Variants in PRKG1 observed in about 807,000 individuals in gnomAD.
PRKG1 encodes the protein protein kinase cGMP-dependent 1.
In PRKG1, 35 loss-of-function variants were observed where a neutral mutation model predicts 88.1. The ratio of observed to expected loss-of-function variants is 0.40; its 90% CI spans 0.30 to 0.53. The LOEUF is 0.53. Among genes scored for constraint, PRKG1 ranks in the 20% least tolerant of loss-of-function variants. The pLI, the probability that PRKG1 is intolerant of heterozygous loss-of-function variation, is 0.59. For synonymous variants in PRKG1, 303 were observed against 292.5 expected, an observed-to-expected ratio of 1.04 and a Z score of -0.37; for missense variants, 540 against 839.8, an observed-to-expected ratio of 0.64 and a Z score of 4.41.
intron 4 of PRKG1, among the ~76,000 whole-genome samples, chr10:51,856,966 TA>T (rs748890081): frequency 1.0e-5 from 1 of 96,780 alleles, no homozygotes; most frequent in Non-Finnish European, 2.0e-5. Flanking sequence ...TCCGTCTTAC[TA>T]AAAAAAAGAA....
In PRKG1 at chr10:51,274,420, AAAT is replaced by A. The variant is rs200189424; in HGVS notation, c.478+121091_478+121093del. Among the ~76,000 whole-genome samples the A allele has an allele frequency of 9.9e-4, 151 of 152,322 alleles. 2 individuals carry two copies. In the East Asian group the frequency reaches 0.025, roughly 25 times the overall value. ...TACTGCACACTAAAAAATTGCCCTG[AAAT>A]GAAAATGAGAAGAATCAAGTAATAA... On this transcript the variant is annotated intron_variant, in intron 2 of 17. Transcript: ENST00000373980.
At chr10:51,781,778 A>G (rs912730704) in intron 3 of PRKG1, among the ~76,000 whole-genome samples, 2 of 152,130 alleles carry the variant, frequency 1.3e-5, no homozygotes, top group African/African-American at 4.8e-5. Flanking sequence ...TCCTTGAGAA[A>G]TCCAGAGGGA....
intron 3 of PRKG1, among the ~76,000 whole-genome samples, chr10:51,473,493 T>C (rs1053744618): frequency 1.3e-5 from 2 of 151,876 alleles, no homozygotes; most frequent in Admixed American, 6.6e-5. Flanking sequence ...AATTTCTATA[T>C]TGACCAGGCC....
Position 51,467,782 on chromosome 10 carries a change from G to A in PRKG1, c.538G>A (p.Val180Met). 3 of 1,613,022 alleles carry A rather than the reference G, an allele frequency of 1.9e-6. No individual in the cohort carries two copies. The highest frequency in any genetic ancestry group is 2.5e-6 in the Non-Finnish European group (3 of 1,179,102). Reference sequence around the variant, plus strand: ...GTTGTGTACCATGGGTCCAGGAAAAGTGTTTGGGGAATTGGCTATTCTTTA... The same window carrying A: ...GTTGTGTACCATGGGTCCAGGAAAAATGTTTGGGGAATTGGCTATTCTTTA... Reference protein sequence around the residue: ...VKLCTMGPGKVFGELAILYNC... With the variant: ...VKLCTMGPGKMFGELAILYNC... The change falls in exon 3 of 18, where the codon GTG (valine) becomes ATG (methionine). Residue 180 changes from valine to methionine, a missense_variant. Physicochemically the swap from Val to Met is conservative, Grantham distance 21 (BLOSUM62 1). Transcript: ENST00000373980.
Position 51,828,099 on chromosome 10 carries a change from A to G in PRKG1, c.698+23409A>G, listed in dbSNP as rs1302503564. 2.0e-5 allele frequency among the ~76,000 whole-genome samples: 3 copies of G among 152,178 alleles called. No homozygotes were observed. The East Asian group carries it at 5.8e-4, about 29-fold the overall frequency. ...AAAAATTTTAATATGTGAATGTTTA[A>G]CATCTATATATATTAGGTTGGAGCA... On this transcript the variant is annotated intron_variant, in intron 4 of 17. Transcript: ENST00000373980.
chr10:51,183,856 G>T (rs1000517123), intron 2 of PRKG1, among the ~76,000 whole-genome samples: 1 of 152,092 alleles, frequency 6.6e-6, no homozygotes, highest in Non-Finnish European at 1.5e-5. Context: ...TTCAGAGATG[G>T]GCAAATCTGT....
At chr10:52,099,468 C>T (rs1429648952) in intron 7 of PRKG1, among the ~76,000 whole-genome samples, 3 of 152,284 alleles carry the variant, frequency 2.0e-5, no homozygotes, top group Admixed American at 6.5e-5. Flanking sequence ...ACTATGAAGA[C>T]ACTATGTCAC....
At chr10:52,219,074 T>G (rs1840182618) in intron 9 of PRKG1, among the ~76,000 whole-genome samples, 2 of 152,144 alleles carry the variant, frequency 1.3e-5, no homozygotes, top group South Asian at 4.1e-4. Flanking sequence ...CTTGTGGGAC[T>G]TTTTTGTTTT....
intron 1 of PRKG1, among the ~76,000 whole-genome samples, chr10:50,999,508 G>C (rs1842866377): frequency 6.6e-6 from 1 of 152,126 alleles, no homozygotes; most frequent in Admixed American, 6.5e-5. Flanking sequence ...CCAATTTAGA[G>C]AGTACTTTAA....
intron 3 of PRKG1, among the ~76,000 whole-genome samples, chr10:51,715,501 A>T (rs1382935475): frequency 2.0e-5 from 3 of 152,164 alleles, no homozygotes; most frequent in Non-Finnish European, 2.9e-5. Context: ...TCATTTGAAC[A>T]TGATTACTAT....
intron 5 of PRKG1, among the ~76,000 whole-genome samples, chr10:51,923,271 A>T (rs957806337): frequency 1.3e-5 from 2 of 151,832 alleles, no homozygotes; most frequent in Non-Finnish European, 2.9e-5. Context: ...CTTAACTTTT[A>T]ATCTCTCTCT....
intron 5 of PRKG1, among the ~76,000 whole-genome samples, chr10:51,991,118 C>T (rs1406905175): frequency 1.3e-5 from 2 of 152,104 alleles, no homozygotes; most frequent in African/African-American, 4.8e-5. Flanking sequence ...TTGTTCACCT[C>T]ATTTCATTTT....
intron 2 of PRKG1, among the ~76,000 whole-genome samples, chr10:51,436,428 A>G (rs972084405): frequency 2.6e-5 from 4 of 152,066 alleles, no homozygotes; most frequent in South Asian, 2.1e-4. Flanking sequence ...CTTTAAAAGT[A>G]TGTCCTGGGT....
chr10:51,494,017 T>A lies in PRKG1; in HGVS notation c.592+26181T>A, dbSNP rs576148323. Among the ~76,000 whole-genome samples the A allele has an allele frequency of 3.9e-5, 6 of 152,318 alleles. No homozygotes were observed. The South Asian group carries it at 1.2e-3, about 32-fold the overall frequency. ...TGTAGCTATTTTTTCTACTTAAAAT[T>A]GTCTTACCTGTGCTTATATATTGAT... On this transcript the variant is annotated intron_variant, in intron 3 of 17. Transcript: ENST00000373980.
intron 3 of PRKG1, among the ~76,000 whole-genome samples, chr10:51,615,462 G>C (rs1018251284): frequency 2.6e-5 from 4 of 151,936 alleles, no homozygotes; most frequent in African/African-American, 9.7e-5. Context: ...CCAGGATACT[G>C]ATAACTCAAA....
chr10:52,064,336 C>T (rs1161963142), intron 7 of PRKG1, among the ~76,000 whole-genome samples: 1 of 152,212 alleles, frequency 6.6e-6, no homozygotes, highest in Non-Finnish European at 1.5e-5. Flanking sequence ...GGCTCAGTCC[C>T]AACTTTCCTC....
intron 4 of PRKG1, among the ~76,000 whole-genome samples, chr10:51,884,504 T>C (rs868322656): frequency 7.2e-6 from 1 of 138,958 alleles, no homozygotes; most frequent in Non-Finnish European, 1.6e-5. Flanking sequence ...CAAGTAAATA[T>C]ACTGCCACAG....
chr10:52,217,354 A>ATCTC (rs770162832), intron 9 of PRKG1, among the ~76,000 whole-genome samples: 1 of 150,614 alleles, frequency 6.6e-6, no homozygotes, highest in Non-Finnish European at 1.5e-5. Context: ...CTATCTATCT[A>ATCTC]TATATATATA....
chr10:51,949,119 C>T (rs907575922), intron 5 of PRKG1, among the ~76,000 whole-genome samples: 5 of 152,248 alleles, frequency 3.3e-5, no homozygotes, highest in African/African-American at 1.2e-4. Context: ...ACTTAAATTC[C>T]ACCCTCATGA....
Sources: gnomAD v4.1 joint callset for allele counts (sites outside exome capture counted in the v4.1 genomes callset) on GRCh38, gnomAD v4.1.1 for gene constraint, MANE v1.5 for transcripts, NCBI Gene and HGNC (gene_info 2026-07-23, HGNC 2026-07-21) for gene names.